RELCH: variants seen among roughly 807,000 people sequenced by gnomAD.
RELCH encodes RAB11-binding protein RELCH.
In RELCH, 41 loss-of-function variants were observed where a neutral mutation model predicts 150.3. The observed-to-expected ratio is 0.27, with a 90% CI of 0.21 to 0.35. The LOEUF (loss-of-function observed/expected upper bound fraction) is 0.35, where lower values mean the gene tolerates loss of function less well. Ranked by LOEUF, RELCH falls within the 10% of genes least tolerant of loss-of-function variation. The pLI is 1.00. For missense variants in RELCH, 1,092 were observed against 1,467.8 expected (o/e 0.74, Z 4.18); for synonymous variants, 478 against 531.8 (o/e 0.90, Z 1.39).
chr18:62,293,302 C>A (rs1394872910), intron 27 of RELCH, among the ~76,000 whole-genome samples: 4 of 152,144 alleles, frequency 2.6e-5, no homozygotes, highest in African/African-American at 9.7e-5. Flanking sequence ...GTTGAGGGGG[C>A]TGGCAAGTCC....
chr18:62,288,708 A>G (rs1006709647), intron 26 of RELCH, among the ~76,000 whole-genome samples: 3 of 152,170 alleles, frequency 2.0e-5, no homozygotes, highest in Non-Finnish European at 4.4e-5. Flanking sequence ...CATGTCTTCT[A>G]TAAGTTTAGT....
Position 62,231,215 on chromosome 18 carries a change from T to C in RELCH, c.1470T>C (p.His490=), listed in dbSNP as rs763073652. ...CTAGGAAATTGTCTCCTGCATTCCA[T>C]CAAGCACTACTCTCTTTTTGTCGAA... ...KPNRKLSPAF[H]QALLSFCRMS... is the part of the protein sequence containing the mutation. Residue 490 remains histidine, a synonymous_variant, in exon 9 of 29, where the codon CAT becomes CAC. Coordinates refer to ENST00000644646, the MANE Select transcript of RELCH (RefSeq NM_001346231.2). The C allele has an allele frequency of 1.9e-6, 3 of 1,606,156 alleles. No homozygotes were observed. Among genetic ancestry groups the C allele is most frequent in the Non-Finnish European group, 2.6e-6 (3 of 1,173,938 alleles).
chr18:62,192,624 G>A (rs71574766), intron 1 of RELCH, among the ~76,000 whole-genome samples: 10,158 of 152,092 alleles, frequency 0.067, 405 homozygotes, highest in Middle Eastern at 0.15. Context: ...AGTTCTCCCA[G>A]CATTTTATTA....
intron 2 of RELCH, among the ~76,000 whole-genome samples, chr18:62,220,243 A>G (rs916463650): frequency 6.6e-5 from 10 of 152,180 alleles, no homozygotes; most frequent in African/African-American, 2.4e-4. Context: ...GTATCCTTAG[A>G]AAACTATACT....
rs17069670 is a variant in RELCH at position 62,264,162 on chromosome 18, A to G, written c.2507+17A>G. 0.019 allele frequency: 29,545 copies of G among 1,579,352 alleles called. 1,088 individuals are homozygous for G. Among genetic ancestry groups the G allele is most frequent in the East Asian group, 0.18 (7,519 of 42,896 alleles). ...CAATCAATTGTAAGTTACCACCTCC[A>G]TATTAATTTGAATAGATGATAACTC... On this transcript the variant is annotated intron_variant, in intron 17 of 28. Transcript: ENST00000644646.
Position 62,187,806 on chromosome 18 carries a change from C to T in RELCH, c.301C>T (p.Leu101=), listed in dbSNP as rs1403124422. Residue 101 remains leucine (L), a synonymous_variant, in exon 1 of 29, where the codon CTG becomes TTG. Coordinates refer to ENST00000644646, the MANE Select transcript of RELCH (RefSeq NM_001346231.2). The stretch of plus-strand genomic sequence containing the variant: ...ATCAATTGATGCGATCGCTGCTCAG[C>T]TGTTGCGCGATCAATACTTGCTGAC... ...RLSIDAIAAQ[L]LRDQYLLTAL... is the part of the protein sequence containing the mutation. 2 of 1,597,600 alleles carry T rather than the reference C, an allele frequency of 1.3e-6. No individual in the cohort carries two copies. The highest frequency in any genetic ancestry group is 1.7e-6 in the Non-Finnish European group (2 of 1,171,944).
intron 1 of RELCH, among the ~76,000 whole-genome samples, chr18:62,195,192 G>A (rs2038936090): frequency 6.6e-6 from 1 of 151,856 alleles, no homozygotes; most frequent in Non-Finnish European, 1.5e-5. Flanking sequence ...AATTCTTGTA[G>A]CATCGTTGTA....
chr18:62,221,535 A>G (rs749146342), intron 5 of RELCH, 38 bp downstream of exon 5: 4 of 930,716 alleles, frequency 4.3e-6, no homozygotes, highest in Non-Finnish European at 6.5e-6. Flanking sequence ...ATTTTTTTCT[A>G]CACTTATAAT....
rs1317042005 is a variant in RELCH at position 62,309,428 on chromosome 18, C to G, written c.*3894C>G. The G allele has an allele frequency of 6.6e-6, 1 of 152,134 alleles. No homozygotes were observed. The highest frequency in any genetic ancestry group is 1.5e-5 in the Non-Finnish European group (1 of 68,022). 9.4% of individuals were successfully genotyped at this position (152,134 alleles called of 1,614,324 possible). A position where few individuals can be genotyped will look rare whatever the true frequency, so the allele number is the denominator to read the frequency against. On this transcript the variant is annotated 3_prime_UTR_variant, in exon 29 of 29. Transcript: ENST00000644646. The stretch of plus-strand genomic sequence containing the variant: ...TGGCACATCTCATCATTCATATTTT[C>G]TCTTCAGAACCAAGTACAGGAAACT...
intron 22 of RELCH, 42 bp from the exon 23 acceptor site, chr18:62,279,732 T>C (rs1486863841): frequency 7.6e-7 from 1 of 1,319,592 alleles, no homozygotes; most frequent in Non-Finnish European, 1.1e-6. Flanking sequence ...GTTTGCTCTT[T>C]CCGTGCATCA....
intron 2 of RELCH, among the ~76,000 whole-genome samples, chr18:62,214,967 T>C (rs74876675): frequency 0.067 from 10,137 of 152,150 alleles, 402 homozygotes; most frequent in Middle Eastern, 0.15. Flanking sequence ...CTTTCTCCCA[T>C]TGTCTTGATG....
chr18:62,206,985 C>T (rs1267831323), intron 1 of RELCH, among the ~76,000 whole-genome samples: 1 of 152,094 alleles, frequency 6.6e-6, no homozygotes, highest in African/African-American at 2.4e-5. Context: ...AGTGATCCTC[C>T]CACCTCAGCC....
intron 1 of RELCH, among the ~76,000 whole-genome samples, chr18:62,207,258 G>A (rs765284972): frequency 1.6e-4 from 24 of 152,056 alleles, no homozygotes; most frequent in Non-Finnish European, 2.9e-4. Flanking sequence ...ACAATATGTG[G>A]TTCTCTTATA....
intron 3 of RELCH, 31 bp downstream of exon 3, chr18:62,221,139 T>C: frequency 1.2e-6 from 2 of 1,607,210 alleles, no homozygotes; most frequent in South Asian, 2.2e-5. Context: ...TTGAGACTTT[T>C]CAACTTTGAC....
intron 2 of RELCH, among the ~76,000 whole-genome samples, chr18:62,220,518 T>C (rs1393631473): frequency 6.6e-6 from 1 of 152,034 alleles, no homozygotes; most frequent in Non-Finnish European, 1.5e-5. Context: ...AACTATTCAC[T>C]AACGTCTCTA....
At chr18:62,240,919 G>A (rs547661118) in intron 10 of RELCH, among the ~76,000 whole-genome samples, 33 of 152,168 alleles carry the variant, frequency 2.2e-4, no homozygotes, top group South Asian at 6.2e-4. Context: ...TTGGGCTGGC[G>A]AGACTGAGGG....
At chr18:62,236,328 A>G (rs1599974799) in intron 10 of RELCH, among the ~76,000 whole-genome samples, 1 of 151,952 alleles carries the variant, frequency 6.6e-6, no homozygotes, top group East Asian at 1.9e-4. Flanking sequence ...CTTGGTTTAT[A>G]AACCTTCTAA....
intron 10 of RELCH, among the ~76,000 whole-genome samples, chr18:62,240,601 G>T (rs1281975140): frequency 6.6e-6 from 1 of 151,576 alleles, no homozygotes; most frequent in Non-Finnish European, 1.5e-5. Context: ...TAGAGATAGG[G>T]TTTCGCCATC....
At chr18:62,240,435 G>A (rs1409844621) in intron 10 of RELCH, among the ~76,000 whole-genome samples, 3 of 146,082 alleles carry the variant, frequency 2.1e-5, no homozygotes, top group Admixed American at 6.8e-5. Context: ...TGGTGACAGG[G>A]TCTCACTCTG....
Sources: gnomAD v4.1 joint callset for allele counts (sites outside exome capture counted in the v4.1 genomes callset) on GRCh38, gnomAD v4.1.1 for gene constraint, MANE v1.5 for transcripts, NCBI Gene and HGNC (gene_info 2026-07-23, HGNC 2026-07-21) for gene names.